The following CPQ variants were observed in gnomAD, a reference collection of about 807,000 sequenced individuals.
CPQ encodes the protein carboxypeptidase Q, also known as Ser-Met dipeptidase.
A neutral mutation model predicts 45.7 loss-of-function variants in CPQ; 37 were observed. The ratio of observed to expected loss-of-function variants is 0.81; its 90% confidence interval spans 0.62 to 1.07. CPQ has a LOEUF of 1.07. CPQ is among the 50% of genes least tolerant of loss of function. The pLI is 0.00. For missense variants in CPQ, 537 were observed against 572.9 expected (o/e 0.94, Z 0.64); for synonymous variants, 186 against 205.8 (o/e 0.90, Z 0.82).
chr8:97,041,655 T>C (rs1810128103), intron 6 of CPQ, among the ~76,000 whole-genome samples: 1 of 152,184 alleles, frequency 6.6e-6, no homozygotes, highest in Non-Finnish European at 1.5e-5. Context: ...TTGAGTTACG[T>C]CCCCTCAATA....
At chr8:96,787,525 CTTT>C (rs71267281) in intron 2 of CPQ, among the ~76,000 whole-genome samples, 55 of 47,544 alleles carry the variant, frequency 1.2e-3, no homozygotes, top group African/African-American at 3.3e-3. Flanking sequence ...CTTATAATGT[CTTT>C]TTTTTTTTTT....
intron 5 of CPQ, among the ~76,000 whole-genome samples, chr8:97,028,911 T>G (rs1809846738): frequency 6.6e-6 from 1 of 152,214 alleles, no homozygotes; most frequent in Non-Finnish European, 1.5e-5. Flanking sequence ...TTTTCAGTTA[T>G]TACATTACTG....
rs564005567 is a variant in CPQ at position 97,016,280 on chromosome 8, TA to T, written c.962-13120del. Among the ~76,000 whole-genome samples, 136 of 152,312 alleles carry T rather than the reference TA, an allele frequency of 8.9e-4. 1 individual carries two copies. The highest frequency in any genetic ancestry group is 3.1e-3 in the African/African-American group (130 of 41,568). ...CAAAAGTAGGTAATGTAATGGCAAC[TA>T]AAGCAAATGTCAAAGCTGAAGCACA... On this transcript the variant is annotated intron_variant, in intron 5 of 7. Coordinates refer to ENST00000220763, the MANE Select transcript of CPQ (RefSeq NM_016134.4).
At chr8:96,809,211 T>G (rs147044716) in intron 2 of CPQ, among the ~76,000 whole-genome samples, 10 of 151,968 alleles carry the variant, frequency 6.6e-5, no homozygotes, top group African/African-American at 2.4e-4. Flanking sequence ...TACACATATA[T>G]TGAACTCAGC....
chr8:97,058,967 A>G (rs1216102608), intron 6 of CPQ, among the ~76,000 whole-genome samples: 1 of 152,168 alleles, frequency 6.6e-6, no homozygotes, highest in Non-Finnish European at 1.5e-5. Flanking sequence ...ATATAATACA[A>G]ATAAAATTAC....
At chr8:96,768,971 G>A (rs573897518) in intron 1 of CPQ, among the ~76,000 whole-genome samples, 1 of 152,308 alleles carries the variant, frequency 6.6e-6, no homozygotes, top group East Asian at 1.9e-4. Context: ...AAACACATGA[G>A]TACAATCAGC....
chr8:96,946,181 T>C (rs940125329), intron 4 of CPQ, among the ~76,000 whole-genome samples: 4 of 152,166 alleles, frequency 2.6e-5, no homozygotes, highest in African/African-American at 9.7e-5. Flanking sequence ...TTTTCCATAG[T>C]AGAAAGATAG....
At chr8:96,686,889 A>G (rs927556324) in intron 1 of CPQ, among the ~76,000 whole-genome samples, 2 of 152,084 alleles carry the variant, frequency 1.3e-5, no homozygotes, top group Admixed American at 6.6e-5. Flanking sequence ...TAGATTTTCA[A>G]ATTTATCTGG....
Position 96,832,151 on chromosome 8 carries a change from G to A in CPQ, c.434-2822G>A, listed in dbSNP as rs566963949. Reference sequence around the variant, plus strand: ...TAGCTGATAGGTTTAAATGCCAGATGTAGAATTTTGTGTAAAGTAAGGGTA... The same window carrying A: ...TAGCTGATAGGTTTAAATGCCAGATATAGAATTTTGTGTAAAGTAAGGGTA... On this transcript the variant is annotated intron_variant, in intron 2 of 7. Transcript: ENST00000220763. Among the ~76,000 whole-genome samples the A allele has an allele frequency of 2.6e-5, 4 of 152,240 alleles. No homozygotes were observed. The South Asian group carries it at 6.2e-4, about 24-fold the overall frequency.
intron 3 of CPQ, among the ~76,000 whole-genome samples, chr8:96,867,047 C>T (rs1013392691): frequency 2.7e-4 from 41 of 152,088 alleles, no homozygotes; most frequent in Non-Finnish European, 4.3e-4. Context: ...CTGACTCCTT[C>T]TGCCTTAAAG....
chr8:96,806,671 T>C (rs1391514615), intron 2 of CPQ, among the ~76,000 whole-genome samples: 4 of 152,202 alleles, frequency 2.6e-5, no homozygotes, highest in Admixed American at 2.6e-4. Context: ...TTAAATGATA[T>C]TAAAGAACAT....
Position 96,673,911 on chromosome 8 carries a change from TAGAAAAG to T in CPQ, c.-35+28515_-35+28521del, listed in dbSNP as rs562645768. ...AGCTGTAACTGAGGAAAATGGTGGT[TAGAAAAG>T]AGAAATGAAAAACAAATAAACCCGT... is the stretch of plus-strand genomic sequence containing the variant. On this transcript the variant is annotated intron_variant, in intron 1 of 7. Transcript: ENST00000220763. Among the ~76,000 whole-genome samples the T allele has an allele frequency of 2.4e-3, 372 of 152,240 alleles. 2 individuals are homozygous for T. Among genetic ancestry groups the T allele is most frequent in the African/African-American group, 8.5e-3 (354 of 41,542 alleles).
At chr8:97,029,225 G>T (rs1047420568) in intron 5 of CPQ, among the ~76,000 whole-genome samples, 178 bp from the exon 6 acceptor site, 5 of 152,144 alleles carry the variant, frequency 3.3e-5, no homozygotes, top group Non-Finnish European at 7.4e-5. Context: ...CTGGAGATCA[G>T]CCCTGAAGTT....
intron 3 of CPQ, among the ~76,000 whole-genome samples, chr8:96,877,750 T>C (rs1812166599): frequency 6.6e-6 from 1 of 152,166 alleles, no homozygotes; most frequent in Admixed American, 6.5e-5. Flanking sequence ...AATGCGGAAA[T>C]TTAGAAACAA....
intron 1 of CPQ, among the ~76,000 whole-genome samples, chr8:96,737,872 T>G (rs563088559): frequency 6.6e-6 from 1 of 152,214 alleles, no homozygotes; most frequent in African/African-American, 2.4e-5. Flanking sequence ...GCTCTAAATC[T>G]GTCTCTATCT....
chr8:97,141,439 TA>T, intron 7 of CPQ, among the ~76,000 whole-genome samples: 1 of 152,274 alleles, frequency 6.6e-6, no homozygotes, highest in Middle Eastern at 3.4e-3. Flanking sequence ...AAAACATACT[TA>T]ATCTCACAAT....
intron 1 of CPQ, among the ~76,000 whole-genome samples, chr8:96,682,020 C>T (rs1028551212): frequency 6.6e-6 from 1 of 152,156 alleles, no homozygotes; most frequent in Non-Finnish European, 1.5e-5. Flanking sequence ...TTTACAGGCT[C>T]ATAGGTGAAA....
intron 7 of CPQ, among the ~76,000 whole-genome samples, chr8:97,105,587 T>C (rs1586543777): frequency 6.6e-6 from 1 of 152,138 alleles, no homozygotes; most frequent in African/African-American, 2.4e-5. Context: ...AATCTGCTCC[T>C]TTTACTAGGA....
At chr8:97,091,554 A>C (rs532067386) in intron 7 of CPQ, among the ~76,000 whole-genome samples, 28 of 152,262 alleles carry the variant, frequency 1.8e-4, no homozygotes, top group African/African-American at 6.7e-4. Context: ...AATCAGTTTT[A>C]GGGCAGTATG....
Sources: allele counts gnomAD v4.1 joint callset (sites outside exome capture counted in the v4.1 genomes callset), GRCh38; gene constraint gnomAD v4.1.1; transcripts MANE v1.5; gene names NCBI Gene and HGNC (gene_info 2026-07-23, HGNC 2026-07-21).